Variants in CAPSL observed in about 807,000 individuals in gnomAD.
CAPSL encodes the protein calcyphosine like.
CAPSL carries 17 observed loss-of-function variants against 21.3 expected under a neutral mutation model. That is an observed-to-expected ratio of 0.80 (90% confidence interval 0.55 to 1.20). The LOEUF (loss-of-function observed/expected upper bound fraction) is 1.20, where lower values mean the gene tolerates loss of function less well. CAPSL is among the 50% of genes most tolerant of loss of function. CAPSL has a pLI of 0.00. For missense variants in CAPSL, 289 were observed against 259.3 expected (o/e 1.11, Z -0.79); for synonymous variants, 102 against 89.3 (o/e 1.14, Z -0.80).
chr5:35,909,537 A>T (rs1738149733), intron 4 of CAPSL, among the ~76,000 whole-genome samples: 1 of 152,214 alleles, frequency 6.6e-6, no homozygotes, highest in South Asian at 2.1e-4. Context: ...TGAGTATGGT[A>T]AATATAGTAA....
intron 1 of CAPSL, among the ~76,000 whole-genome samples, chr5:35,923,363 C>T (rs987816121): frequency 2.6e-5 from 4 of 152,140 alleles, no homozygotes; most frequent in Admixed American, 2.6e-4. Context: ...GTGGTGCCCC[C>T]ACTAGGTAGT....
At position 35,919,170 on chromosome 5, in the gene CAPSL, A is replaced by AAAT. The variant is rs754098152; in HGVS notation, c.137+1813_137+1814insATT. Among the ~76,000 whole-genome samples the AAAT allele has an allele frequency of 7.0e-3, 843 of 121,258 alleles. 11 individuals carry two copies. Among genetic ancestry groups the AAAT allele is most frequent in the African/African-American group, 0.021 (714 of 33,838 alleles). 79.5% of individuals were successfully genotyped at this position (121,258 alleles called of 152,430 possible). A position where few individuals can be genotyped will look rare whatever the true frequency, so the allele number is the denominator to read the frequency against. On this transcript the variant is annotated intron_variant, in intron 2 of 4. Transcript: ENST00000651391. ...AGTATCTTTCCTGATTAAAAAAAAA[A>AAAT]ATATATATATATATATATATAAAAA...
At chr5:35,910,892 A>G (rs1451358669) in intron 2 of CAPSL, among the ~76,000 whole-genome samples, 2 of 152,238 alleles carry the variant, frequency 1.3e-5, no homozygotes, top group Non-Finnish European at 1.5e-5. Flanking sequence ...GACATTATGC[A>G]TTTGCTAAAA....
intron 1 of CAPSL, among the ~76,000 whole-genome samples, chr5:35,937,912 T>A (rs1738994678): frequency 6.6e-6 from 1 of 151,784 alleles, no homozygotes; most frequent in Admixed American, 6.6e-5. Context: ...GCAATAGAGA[T>A]GGCTGCCTGG....
chr5:35,909,178 A>G (rs1738131772), intron 4 of CAPSL, among the ~76,000 whole-genome samples: 1 of 151,978 alleles, frequency 6.6e-6, no homozygotes, highest in South Asian at 2.1e-4. Flanking sequence ...ATGGAGCTAT[A>G]TAATTCCTTA....
chr5:35,910,350 T>G lies in CAPSL; in HGVS notation c.315+16A>C. On this transcript the variant is annotated intron_variant, in intron 3 of 4. Coordinates refer to ENST00000651391, the MANE Select transcript of CAPSL (RefSeq NM_001042625.2). ...AGCCAAACTCAGCAGATACACTGAT[T>G]AATGGGGCCACTTACTCTTAATGTG... The G allele has an allele frequency of 6.2e-7, 1 of 1,610,282 alleles. No individual in the cohort carries two copies. The highest frequency in any genetic ancestry group is 1.1e-5 in the South Asian group (1 of 90,138).
At chr5:35,923,848 T>C (rs1392365722) in intron 1 of CAPSL, among the ~76,000 whole-genome samples, 4 of 152,220 alleles carry the variant, frequency 2.6e-5, no homozygotes, top group Admixed American at 2.6e-4. Flanking sequence ...TTATCAACAT[T>C]GTGAATGTAA....
chr5:35,930,120 A>T (rs1738784123), intron 1 of CAPSL, among the ~76,000 whole-genome samples: 1 of 152,142 alleles, frequency 6.6e-6, no homozygotes, highest in Non-Finnish European at 1.5e-5. Context: ...CACATAAAGT[A>T]TGACGGCATT....
At chr5:35,921,274 G>GCCTGGCATA (rs1738532358) in intron 1 of CAPSL, among the ~76,000 whole-genome samples, 154 bp from the exon 2 acceptor site, 1 of 152,162 alleles carries the variant, frequency 6.6e-6, no homozygotes. Context: ...CCAACTGTGT[G>GCCTGGCATA]CCTGGCATAT....
At position 35,910,094 on chromosome 5, in the gene CAPSL, A is replaced by G. The variant is rs1738175000; in HGVS notation, c.316-19T>C. ...TTGGAGGCTACAAAAATAGAAGAATACATACAGAGACATACATAAGCAAAT... is the reference window on the plus strand; with the variant it reads ...TTGGAGGCTACAAAAATAGAAGAATGCATACAGAGACATACATAAGCAAAT... On this transcript the variant is annotated intron_variant, in intron 3 of 4. Coordinates refer to ENST00000651391, the MANE Select transcript of CAPSL (RefSeq NM_001042625.2). The G allele has an allele frequency of 6.4e-7, 1 of 1,556,316 alleles. No individual in the cohort carries two copies.
At chr5:35,938,199 A>C (rs981963528) in intron 1 of CAPSL, among the ~76,000 whole-genome samples, 1 of 152,224 alleles carries the variant, frequency 6.6e-6, no homozygotes, top group African/African-American at 2.4e-5. Context: ...AGTGGTCATC[A>C]GGATCGTTAG....
At chr5:35,907,828 T>C (rs1035229909) in intron 4 of CAPSL, among the ~76,000 whole-genome samples, 3 of 152,220 alleles carry the variant, frequency 2.0e-5, no homozygotes, top group Non-Finnish European at 4.4e-5. Context: ...AATCTTAATA[T>C]GCAAAATAGT....
intron 1 of CAPSL, among the ~76,000 whole-genome samples, chr5:35,931,252 A>G (rs1202589012): frequency 6.6e-6 from 1 of 152,150 alleles, no homozygotes; most frequent in Non-Finnish European, 1.5e-5. Context: ...CTAGCAATCC[A>G]ATGTGAGAAG....
In CAPSL at chr5:35,921,110, G is replaced by A; in HGVS notation, c.11C>T (p.Thr4Ile). The A allele has an allele frequency of 1.2e-6, 2 of 1,613,860 alleles. No individual in the cohort carries two copies. The highest frequency in any genetic ancestry group is 1.7e-6 in the Non-Finnish European group (2 of 1,179,982). Residue 4 changes from threonine (T) to isoleucine (I), a missense_variant, in exon 2 of 5, where the codon ACA becomes ATA. Coordinates refer to ENST00000651391, the MANE Select transcript of CAPSL (RefSeq NM_001042625.2). MAG[T>I]ARHDREMAIQ... ...CGCCATCTCTCGGTCATGGCGCGCT[G>A]TCCCTGCCATCTGAGGGGAAGCCAT...
At chr5:35,910,674 C>T in intron 2 of CAPSL, 131 bp from the exon 3 acceptor site, 1 of 634,046 alleles carries the variant, frequency 1.6e-6, no homozygotes, top group Non-Finnish European at 2.6e-6. Flanking sequence ...TTCTCTGCAC[C>T]CTCCTTTCCA....
Position 35,918,407 on chromosome 5 carries a change from A to G in CAPSL, c.137+2577T>C, listed in dbSNP as rs140126791. The stretch of plus-strand genomic sequence containing the variant: ...CTCACTCGTAAGTGGGAGTTCAACA[A>G]TGAGATTACGTGGACACAAGGAGGG... On this transcript the variant is annotated intron_variant, in intron 2 of 4. Coordinates refer to ENST00000651391, the MANE Select transcript of CAPSL (RefSeq NM_001042625.2). Among the ~76,000 whole-genome samples the G allele has an allele frequency of 6.3e-3, 952 of 152,316 alleles. 11 individuals carry two copies. Among genetic ancestry groups the G allele is most frequent in the Non-Finnish European group, 8.6e-3 (587 of 68,028 alleles).
intron 2 of CAPSL, among the ~76,000 whole-genome samples, chr5:35,915,950 A>G (rs1406178494): frequency 6.6e-6 from 1 of 152,170 alleles, no homozygotes; most frequent in Non-Finnish European, 1.5e-5. Context: ...ACATGATTGT[A>G]TATCTAGAAA....
intron 1 of CAPSL, among the ~76,000 whole-genome samples, chr5:35,928,093 A>G (rs1247196512): frequency 6.6e-6 from 1 of 152,176 alleles, no homozygotes; most frequent in Non-Finnish European, 1.5e-5. Flanking sequence ...TTCAGATGGT[A>G]CCTTGAACTA....
intron 2 of CAPSL, among the ~76,000 whole-genome samples, chr5:35,914,925 G>T (rs552995428): frequency 2.6e-5 from 4 of 152,220 alleles, no homozygotes; most frequent in African/African-American, 9.6e-5. Flanking sequence ...CCAGGAGCTG[G>T]TTATTTGAAA....
Sources: allele counts gnomAD v4.1 joint callset (sites outside exome capture counted in the v4.1 genomes callset), GRCh38; gene constraint gnomAD v4.1.1; transcripts MANE v1.5; gene names NCBI Gene and HGNC (gene_info 2026-07-23, HGNC 2026-07-21).